The following PDPK1 variants were observed in gnomAD, a reference collection of about 807,000 sequenced individuals.
The protein encoded by PDPK1 is 3-phosphoinositide-dependent protein kinase 1.
PDPK1 carries 7 observed loss-of-function variants against 39.8 expected under a neutral mutation model. That is an observed-to-expected ratio of 0.18 (90% confidence interval 0.10 to 0.33). PDPK1 has a LOEUF of 0.33. PDPK1 is among the 10% of genes least tolerant of loss of function. The pLI is 1.00. For synonymous variants in PDPK1, 118 were observed against 159.1 expected, an observed-to-expected ratio of 0.74 and a Z score of 1.95; for missense variants, 182 against 384.7, an observed-to-expected ratio of 0.47 and a Z score of 4.41.
chr16:2,593,472 C>A lies in PDPK1; in HGVS notation c.1344-2321C>A. 4.5e-6 allele frequency: 1 copy of A among 224,702 alleles called. No individual in the cohort carries two copies. Among genetic ancestry groups the A allele is most frequent in the South Asian group, 5.4e-5 (1 of 18,526 alleles). 13.9% of individuals were successfully genotyped at this position (224,702 alleles called of 1,614,324 possible). A position where few individuals can be genotyped will look rare whatever the true frequency, so the allele number is the denominator to read the frequency against. On this transcript the variant is annotated intron_variant, in intron 11 of 13. Transcript: ENST00000342085. The surrounding 1 kb of genome is among the most constrained non-coding windows in gnomAD (Gnocchi z 4.2). ...CTGGGCTGCTGTTCTCGCTCTCAGC[C>A]AGGAAGGCGGCCCCTCCCACACAGG... is the stretch of plus-strand genomic sequence containing the variant.
chr16:2,592,935 G>A (rs1250770767), intron 11 of PDPK1: 5 of 456,712 alleles, frequency 1.1e-5, no homozygotes, highest in Non-Finnish European at 2.2e-5. Context: ...TGGTGCTGGC[G>A]TGTTCTGTCA....
At chr16:2,545,153 C>G (rs553044417) in intron 1 of PDPK1, among the ~76,000 whole-genome samples, 2 of 151,456 alleles carry the variant, frequency 1.3e-5, no homozygotes, top group South Asian at 4.2e-4. Context: ...TCTCCTGCCT[C>G]TGCCTCCCAA....
intron 1 of PDPK1, among the ~76,000 whole-genome samples, chr16:2,540,347 CA>C (rs1235338518): frequency 6.6e-6 from 1 of 152,232 alleles, no homozygotes; most frequent in Non-Finnish European, 1.5e-5. Flanking sequence ...TCTGACTACT[CA>C]AGACAGGCGC....
intron 11 of PDPK1, among the ~76,000 whole-genome samples, chr16:2,592,152 A>G (rs991849192): frequency 5.9e-5 from 9 of 152,130 alleles, no homozygotes; most frequent in Non-Finnish European, 1.2e-4. Flanking sequence ...ATCCTTGACA[A>G]TGCTCTTTTT....
Position 2,597,576 on chromosome 16 carries a change from A to C in PDPK1, c.1555-75A>C. 9.4e-7 allele frequency: 1 copy of C among 1,058,832 alleles called. No individual in the cohort carries two copies. Among genetic ancestry groups the C allele is most frequent in the Non-Finnish European group, 1.5e-6 (1 of 675,372 alleles). 65.6% of individuals were successfully genotyped at this position (1,058,832 alleles called of 1,614,324 possible). On this transcript the variant is annotated intron_variant, in intron 13 of 13. Coordinates refer to ENST00000342085, the MANE Select transcript of PDPK1 (RefSeq NM_002613.5). This position sits in a 1 kb window ranked among gnomAD's most constrained non-coding sequence, Gnocchi z 6.3. Reference sequence around the variant, plus strand: ...TTCAGGACTCGGAATGGCTGGTCGCAGGCAGCTCACCAGGTTGGGGTGGGG... The same window carrying C: ...TTCAGGACTCGGAATGGCTGGTCGCCGGCAGCTCACCAGGTTGGGGTGGGG...
chr16:2,576,777 A>G, intron 6 of PDPK1: 2 of 171,510 alleles, frequency 1.2e-5, no homozygotes, highest in Non-Finnish European at 1.2e-5. Flanking sequence ...GCAGTCATGA[A>G]GTCCGCAGAA....
rs1472691284 is a variant in PDPK1, at chr16:2,599,468, C to T, written c.*1701C>T. 4.3e-6 allele frequency: 1 copy of T among 232,954 alleles called. No individual in the cohort carries two copies. The allele number at this position is 232,954 out of a possible 1,614,324, so 14.4% of individuals were successfully genotyped here. On this transcript the variant is annotated 3_prime_UTR_variant, in exon 14 of 14. Coordinates refer to ENST00000342085, the MANE Select transcript of PDPK1 (RefSeq NM_002613.5). ...TGTTCCCCAGGCCCTGCCTGTGGTT[C>T]CTGCCTGGGCCTTGGCTGCTGCTGT... is the stretch of plus-strand genomic sequence containing the variant.
At chr16:2,542,405 C>T (rs1195156157) in intron 1 of PDPK1, among the ~76,000 whole-genome samples, 2 of 152,146 alleles carry the variant, frequency 1.3e-5, no homozygotes, top group African/African-American at 4.8e-5. Context: ...GGGATCCTCC[C>T]GCCTCGGCCT....
intron 1 of PDPK1, among the ~76,000 whole-genome samples, chr16:2,543,290 C>T (rs1279934613): frequency 2.5e-4 from 3 of 12,108 alleles, no homozygotes. Context: ...GCGGGACCCT[C>T]GGTGCCGCGG....
chr16:2,596,888 C>T (rs563082840), intron 12 of PDPK1, among the ~76,000 whole-genome samples: 6 of 152,178 alleles, frequency 3.9e-5, no homozygotes, highest in Non-Finnish European at 8.8e-5. Context: ...GCCATGGGCC[C>T]GATCTGGATG....
In PDPK1 at chr16:2,597,503, T is replaced by C; in HGVS notation, c.1555-148T>C. 1 of 721,636 alleles carries C rather than the reference T, an allele frequency of 1.4e-6. No individual in the cohort carries two copies. The highest frequency in any genetic ancestry group is 2.5e-6 in the Non-Finnish European group (1 of 400,440). The allele number at this position is 721,636 out of a possible 1,614,324, so 44.7% of individuals were successfully genotyped here. On this transcript the variant is annotated intron_variant, in intron 13 of 13. Transcript: ENST00000342085. This position sits in a 1 kb window ranked among gnomAD's most constrained non-coding sequence, Gnocchi z 6.3. ...TGACTGGGGGTGGTGGTCATCAGCC[T>C]GTGTAGTTGCTTACTGCTTGTGTGA...
At position 2,598,415 on chromosome 16, in the gene PDPK1, G is replaced by A. The variant is rs572787105; in HGVS notation, c.*648G>A. ...CTGCTGTGTTGGCAGGCAGGTTTGC[G>A]TGGTGAGGAGCGGGAGGGGTTGGAG... On this transcript the variant is annotated 3_prime_UTR_variant, in exon 14 of 14. Transcript: ENST00000342085. 3 of 234,668 alleles carry A rather than the reference G, an allele frequency of 1.3e-5. No homozygotes were observed. The highest frequency in any genetic ancestry group is 6.6e-5 in the African/African-American group (3 of 45,510). The allele number at this position is 234,668 out of a possible 1,614,324, so 14.5% of individuals were successfully genotyped here. A position where few individuals can be genotyped will look rare whatever the true frequency, so the allele number is the denominator to read the frequency against.
chr16:2,556,357 ATTTTTTTTTTT>A (rs1174100741), intron 1 of PDPK1, among the ~76,000 whole-genome samples: 1 of 86,236 alleles, frequency 1.2e-5, no homozygotes, highest in Non-Finnish European at 2.3e-5. Context: ...CGCCCGGCCT[ATTTTTTTTTTT>A]TTTTTTTTTT....
At chr16:2,544,025 G>A (rs1249533125) in intron 1 of PDPK1, among the ~76,000 whole-genome samples, 3 of 151,706 alleles carry the variant, frequency 2.0e-5, no homozygotes, top group African/African-American at 4.8e-5. Flanking sequence ...GTGAGCCACC[G>A]TGCCCGGCCT....
intron 2 of PDPK1, among the ~76,000 whole-genome samples, chr16:2,560,198 A>G (rs1181137035): frequency 2.6e-5 from 4 of 152,132 alleles, no homozygotes; most frequent in Non-Finnish European, 5.9e-5. Context: ...GAAAGATCAC[A>G]TCAGTATCCC....
At chr16:2,547,331 C>T (rs80356340) in intron 1 of PDPK1, among the ~76,000 whole-genome samples, 424 of 135,806 alleles carry the variant, frequency 3.1e-3, no homozygotes, top group Non-Finnish European at 5.6e-3. Flanking sequence ...GTACACAGCT[C>T]CTTCAGAGCA....
chr16:2,539,543 C>G (rs118111299), intron 1 of PDPK1: 3 of 152,286 alleles, frequency 2.0e-5, no homozygotes, highest in Non-Finnish European at 4.4e-5. Context: ...CTTGAACTTT[C>G]TGCAGCTCAC....
chr16:2,543,588 G>A (rs1193468994), intron 1 of PDPK1, among the ~76,000 whole-genome samples: 2 of 149,074 alleles, frequency 1.3e-5, no homozygotes, highest in African/African-American at 5.0e-5. Flanking sequence ...GGTGGGTCCA[G>A]GATGTTCCCT....
chr16:2,544,093 T>G (rs2066290931), intron 1 of PDPK1, among the ~76,000 whole-genome samples: 1 of 152,190 alleles, frequency 6.6e-6, no homozygotes, highest in Admixed American at 6.5e-5. Flanking sequence ...GCATGTTCAG[T>G]ACAGATGCAA....
Sources: allele counts gnomAD v4.1 joint callset (sites outside exome capture counted in the v4.1 genomes callset), GRCh38; gene constraint gnomAD v4.1.1; non-coding constraint Gnocchi (gnomAD v3.1); transcripts MANE v1.5; gene names NCBI Gene and HGNC (gene_info 2026-07-23, HGNC 2026-07-21).